NRXN3: variants seen among roughly 807,000 people sequenced by gnomAD.
The protein encoded by NRXN3 is neurexin III.
In NRXN3, 32 loss-of-function variants were observed where a neutral mutation model predicts 137.6. That is an observed-to-expected ratio of 0.23 (90% CI 0.18 to 0.31). The LOEUF is 0.31. Among genes scored for constraint, NRXN3 ranks in the 10% least tolerant of loss-of-function variants. NRXN3 has a pLI of 1.00. For missense variants in NRXN3, 1,574 were observed against 2,062.5 expected (o/e 0.76, Z 4.59); for synonymous variants, 798 against 784.5 (o/e 1.02, Z -0.29).
intron 19 of NRXN3, among the ~76,000 whole-genome samples, chr14:79,776,493 C>T (rs776587304): frequency 1.3e-5 from 2 of 152,318 alleles, no homozygotes; most frequent in Non-Finnish European, 2.9e-5. Flanking sequence ...TCCATTCCTT[C>T]AGGTTCCCTC....
intron 16 of NRXN3, among the ~76,000 whole-genome samples, chr14:79,478,051 G>C (rs1299676826): frequency 1.3e-5 from 2 of 151,918 alleles, no homozygotes; most frequent in Non-Finnish European, 2.9e-5. Flanking sequence ...AGAGATAAGG[G>C]CTAGAGGTGG....
At chr14:78,706,126 CTTCTGTCCCTTTGGGATGACCTATTG>C (rs2152819952) in intron 6 of NRXN3, among the ~76,000 whole-genome samples, 1 of 152,300 alleles carries the variant, frequency 6.6e-6, no homozygotes, top group East Asian at 1.9e-4. Context: ...GCCAAACCTC[CTTCTGTCCCTTTGGGATGACCTATTG>C]TTATACATTA....
chr14:79,008,904 G>A (rs1392740468), intron 15 of NRXN3, among the ~76,000 whole-genome samples: 8 of 151,914 alleles, frequency 5.3e-5, no homozygotes, highest in Non-Finnish European at 8.8e-5. Flanking sequence ...TGATCCACCC[G>A]CCTTGGCCTC....
At chr14:79,368,867 T>A (rs2093990841) in intron 15 of NRXN3, among the ~76,000 whole-genome samples, 1 of 152,226 alleles carries the variant, frequency 6.6e-6, no homozygotes, top group African/African-American at 2.4e-5. Flanking sequence ...TAGATTAATT[T>A]TTTTGTGGAT....
At chr14:78,784,241 C>A (rs1345780392) in intron 8 of NRXN3, among the ~76,000 whole-genome samples, 1 of 152,110 alleles carries the variant, frequency 6.6e-6, no homozygotes, top group African/African-American at 2.4e-5. Context: ...GGGAAAGAGC[C>A]AGCCGTGCAA....
intron 4 of NRXN3, among the ~76,000 whole-genome samples, chr14:78,365,799 G>A (rs1307142673): frequency 2.0e-5 from 3 of 152,152 alleles, no homozygotes; most frequent in African/African-American, 7.2e-5. Context: ...TATATGCCAG[G>A]CACTCTTCTT....
chr14:78,657,718 G>A (rs982742255), intron 6 of NRXN3, among the ~76,000 whole-genome samples: 3 of 152,136 alleles, frequency 2.0e-5, no homozygotes, highest in Admixed American at 2.0e-4. Context: ...AACCCTGATA[G>A]GCGTCCACAT....
intron 15 of NRXN3, among the ~76,000 whole-genome samples, chr14:79,002,196 A>G (rs2099542796): frequency 6.6e-6 from 1 of 152,138 alleles, no homozygotes; most frequent in East Asian, 1.9e-4. Context: ...CATATTCCTG[A>G]TTGGAAATGT....
At chr14:78,235,440 G>A (rs1284044201) in intron 1 of NRXN3, among the ~76,000 whole-genome samples, 3 of 152,038 alleles carry the variant, frequency 2.0e-5, no homozygotes, top group Non-Finnish European at 2.9e-5. Context: ...TTCTTGGTCT[G>A]TCTGCCTCAC....
intron 15 of NRXN3, among the ~76,000 whole-genome samples, chr14:79,217,339 C>T (rs763667660): frequency 2.0e-5 from 3 of 152,094 alleles, no homozygotes; most frequent in Non-Finnish European, 4.4e-5. Flanking sequence ...GCCACACTCT[C>T]AAACAACCAG....
At chr14:79,192,765 ATTTTTTTTTT>A (rs961910712) in intron 15 of NRXN3, among the ~76,000 whole-genome samples, 1 of 115,300 alleles carries the variant, frequency 8.7e-6, no homozygotes, top group African/African-American at 3.3e-5. Flanking sequence ...AATTCTCTTA[ATTTTTTTTTT>A]TTTTTTTTTT....
intron 19 of NRXN3, among the ~76,000 whole-genome samples, chr14:79,745,929 A>G (rs1794793706): frequency 1.3e-5 from 2 of 152,104 alleles, no homozygotes; most frequent in Admixed American, 6.6e-5. Context: ...GTAAGACACT[A>G]GTTATATTGG....
intron 6 of NRXN3, among the ~76,000 whole-genome samples, chr14:78,665,250 A>G (rs2097874105): frequency 6.6e-6 from 1 of 152,222 alleles, no homozygotes; most frequent in African/African-American, 2.4e-5. Context: ...TGGGTAATTT[A>G]TAAAGGAAAC....
chr14:79,756,524 C>A (rs1442227402), intron 19 of NRXN3, among the ~76,000 whole-genome samples: 1 of 152,068 alleles, frequency 6.6e-6, no homozygotes, highest in Non-Finnish European at 1.5e-5. Context: ...AAAATGTGCT[C>A]TTCTTTTATA....
intron 16 of NRXN3, among the ~76,000 whole-genome samples, chr14:79,496,982 A>G (rs576305279): frequency 1.4e-4 from 22 of 152,318 alleles, no homozygotes; most frequent in African/African-American, 5.3e-4. Flanking sequence ...TCACTCCACC[A>G]TAACCCCACA....
At chr14:79,495,181 A>T (rs1017148324) in intron 16 of NRXN3, among the ~76,000 whole-genome samples, 4 of 152,208 alleles carry the variant, frequency 2.6e-5, no homozygotes, top group African/African-American at 9.6e-5. Context: ...TGCGCAGGCC[A>T]CCAAGGCCAG....
At chr14:79,277,215 A>G (rs923824973) in intron 15 of NRXN3, among the ~76,000 whole-genome samples, 4 of 152,148 alleles carry the variant, frequency 2.6e-5, no homozygotes, top group Non-Finnish European at 5.9e-5. Flanking sequence ...CAACAATGCT[A>G]TAAAGGCCTT....
chr14:78,273,566 T>C (rs1331979782), intron 2 of NRXN3, among the ~76,000 whole-genome samples: 1 of 152,230 alleles, frequency 6.6e-6, no homozygotes, highest in African/African-American at 2.4e-5. Flanking sequence ...GTCTCATCTA[T>C]ACAGCTCCCT....
chr14:79,839,393 A>G (rs2099351010), intron 20 of NRXN3, among the ~76,000 whole-genome samples: 1 of 152,110 alleles, frequency 6.6e-6, no homozygotes, highest in South Asian at 2.1e-4. Context: ...GGGGCCTTTT[A>G]AAAAGTGTGT....
Sources: allele counts gnomAD v4.1 joint callset (sites outside exome capture counted in the v4.1 genomes callset), GRCh38; gene constraint gnomAD v4.1.1; transcripts MANE v1.5; gene names NCBI Gene and HGNC (gene_info 2026-07-23, HGNC 2026-07-21).